Variants in RAB40B observed in about 807,000 individuals in gnomAD.
RAB40B encodes the protein ras-related protein Rab-40B.
A neutral mutation model predicts 24.0 loss-of-function variants in RAB40B; 21 were observed. The ratio of observed to expected loss-of-function variants is 0.88; its 90% CI spans 0.62 to 1.26. The LOEUF is 1.26. Ranked by LOEUF, RAB40B falls within the 50% of genes most tolerant of loss-of-function variation. The pLI, the probability that RAB40B is intolerant of heterozygous loss-of-function variation, is 0.00. For missense variants in RAB40B, 348 were observed against 390.5 expected (o/e 0.89, Z 0.92); for synonymous variants, 167 against 169.8 (o/e 0.98, Z 0.13).
intron 4 of RAB40B, chr17:82,659,353 G>A (rs780136299): frequency 2.5e-5 from 14 of 549,670 alleles, no homozygotes; most frequent in Non-Finnish European, 3.3e-5. Flanking sequence ...GTGGACGCTC[G>A]TTTCGTCTGG....
chr17:82,678,468 C>T (rs2143520637), intron 1 of RAB40B, among the ~76,000 whole-genome samples: 1 of 152,234 alleles, frequency 6.6e-6, no homozygotes, highest in East Asian at 1.9e-4. Context: ...CCATTCTCTA[C>T]ACTTGGAGCT....
chr17:82,695,276 C>T (rs959386381), intron 1 of RAB40B, among the ~76,000 whole-genome samples: 2 of 151,010 alleles, frequency 1.3e-5, no homozygotes, highest in East Asian at 3.8e-4. Context: ...ACTTCACCCT[C>T]CACCTCCTGG....
intron 1 of RAB40B, among the ~76,000 whole-genome samples, chr17:82,690,742 A>T (rs1413397606): frequency 6.7e-6 from 1 of 149,244 alleles, no homozygotes; most frequent in African/African-American, 2.5e-5. Flanking sequence ...GGGAACAGAG[A>T]GTGTGCACGT....
At chr17:82,683,181 A>C (rs1239258465) in intron 1 of RAB40B, among the ~76,000 whole-genome samples, 1 of 152,052 alleles carries the variant, frequency 6.6e-6, no homozygotes, top group Non-Finnish European at 1.5e-5. Flanking sequence ...AAAAACCCAA[A>C]ATGGACCATA....
At chr17:82,666,092 G>GCACCTGCCACCA (rs1301319057) in intron 1 of RAB40B, among the ~76,000 whole-genome samples, 44 of 149,768 alleles carry the variant, frequency 2.9e-4, no homozygotes, top group African/African-American at 1.1e-3. Flanking sequence ...ACCTGCCACC[G>GCACCTGCCACCA]CACCTGCCAC....
intron 3 of RAB40B, 137 bp downstream of exon 3, chr17:82,660,850 A>T: frequency 9.1e-7 from 1 of 1,103,572 alleles, no homozygotes; most frequent in Non-Finnish European, 1.3e-6. Context: ...GCACGTTTTT[A>T]GACTCTCAGC....
rs564479327 is a variant in RAB40B, at chr17:82,698,660, G to A, written c.-64C>T. 4 of 1,151,046 alleles carry A rather than the reference G, an allele frequency of 3.5e-6. No individual in the cohort carries two copies. Among genetic ancestry groups the A allele is most frequent in the South Asian group, 3.9e-5 (1 of 25,616 alleles). 71.3% of individuals were successfully genotyped at this position (1,151,046 alleles called of 1,614,324 possible). Reference sequence around the variant, plus strand: ...GGGCTGAGCGCAGAGGCGGCGGCCCGGCCCCGAGAGGCGCCGCGCGGGCCC... The same window carrying A: ...GGGCTGAGCGCAGAGGCGGCGGCCCAGCCCCGAGAGGCGCCGCGCGGGCCC... On this transcript the variant is annotated 5_prime_UTR_variant, in exon 1 of 6. Coordinates refer to ENST00000571995, the MANE Select transcript of RAB40B (RefSeq NM_006822.3).
chr17:82,666,400 A>T (rs1005834226), intron 1 of RAB40B, among the ~76,000 whole-genome samples: 1 of 151,980 alleles, frequency 6.6e-6, no homozygotes, highest in African/African-American at 2.4e-5. Context: ...ATACACCGCC[A>T]CGTCCAGCTA....
chr17:82,656,845 C>T lies in RAB40B; in HGVS notation c.*1018G>A, dbSNP rs1387728960. On this transcript the variant is annotated 3_prime_UTR_variant, in exon 6 of 6. Transcript: ENST00000571995. Reference sequence around the variant, plus strand: ...CCTGACCAACATGGTGAAACCCCATCTCTACTAAAAATACAAAAATTAGCC... The same window carrying T: ...CCTGACCAACATGGTGAAACCCCATTTCTACTAAAAATACAAAAATTAGCC... 1 of 152,230 alleles carries T rather than the reference C, an allele frequency of 6.6e-6. No individual in the cohort carries two copies. Among genetic ancestry groups the T allele is most frequent in the East Asian group, 1.9e-4 (1 of 5,188 alleles). 9.4% of individuals were successfully genotyped at this position (152,230 alleles called of 1,614,324 possible). A position where few individuals can be genotyped will look rare whatever the true frequency, so the allele number is the denominator to read the frequency against.
chr17:82,685,922 G>C (rs1225482517), intron 1 of RAB40B, among the ~76,000 whole-genome samples: 1 of 151,508 alleles, frequency 6.6e-6, no homozygotes, highest in East Asian at 1.9e-4. Context: ...TCCTACCTCA[G>C]CCTCCCAAGT....
chr17:82,672,148 ACACAGCT>A (rs2046345545), intron 1 of RAB40B, among the ~76,000 whole-genome samples: 1 of 151,828 alleles, frequency 6.6e-6, no homozygotes, highest in African/African-American at 2.4e-5. Context: ...GTACCCACTG[ACACAGCT>A]CACCCCTGTA....
chr17:82,658,383 A>C, intron 5 of RAB40B, 108 bp downstream of exon 5: 1 of 1,291,206 alleles, frequency 7.7e-7, no homozygotes, highest in South Asian at 1.3e-5. Flanking sequence ...GAACGGACAC[A>C]GTGGCCTTGA....
chr17:82,659,551 TC>T (rs769232492), intron 4 of RAB40B, 28 bp downstream of exon 4: 2 of 1,606,126 alleles, frequency 1.2e-6, no homozygotes, highest in South Asian at 2.2e-5. Context: ...CCTACAGGGA[TC>T]TTGGGCAGTG....
chr17:82,676,849 C>T (rs1014785724), intron 1 of RAB40B, among the ~76,000 whole-genome samples: 17 of 152,048 alleles, frequency 1.1e-4, no homozygotes, highest in African/African-American at 4.1e-4. Context: ...TGGTCTCGAA[C>T]TCCTGACCTC....
intron 1 of RAB40B, among the ~76,000 whole-genome samples, chr17:82,679,888 C>T (rs1315087014): frequency 1.3e-5 from 2 of 152,210 alleles, no homozygotes; most frequent in East Asian, 1.9e-4. Context: ...GAGCAGGCTG[C>T]GGGGTGAACG....
At chr17:82,678,815 C>T (rs912102851) in intron 1 of RAB40B, among the ~76,000 whole-genome samples, 1 of 151,708 alleles carries the variant, frequency 6.6e-6, no homozygotes, top group African/African-American at 2.4e-5. Flanking sequence ...TTTACACCTG[C>T]ACCGTAAAAT....
chr17:82,663,522 TG>T lies in RAB40B; in HGVS notation c.203+973del, dbSNP rs1360321283. ...GAGGTGTTCCAAGCTGGCCCCAAGG[TG>T]GGGGTGCTGGGGGAGGGAGAGGTGC... On this transcript the variant is annotated intron_variant, in intron 2 of 5. Coordinates refer to ENST00000571995, the MANE Select transcript of RAB40B (RefSeq NM_006822.3). This position sits in a 1 kb window ranked among gnomAD's most constrained non-coding sequence, Gnocchi z 6.2. Among the ~76,000 whole-genome samples the T allele has an allele frequency of 6.6e-6, 1 of 151,730 alleles. No individual in the cohort carries two copies. Among genetic ancestry groups the T allele is most frequent in the Non-Finnish European group, 1.5e-5 (1 of 67,882 alleles).
intron 1 of RAB40B, among the ~76,000 whole-genome samples, chr17:82,671,577 T>G: frequency 6.7e-6 from 1 of 150,146 alleles, no homozygotes; most frequent in East Asian, 2.0e-4. Flanking sequence ...CCCACCCCTG[T>G]AACTCTAACA....
At chr17:82,672,788 G>A (rs2046354669) in intron 1 of RAB40B, among the ~76,000 whole-genome samples, 1 of 152,220 alleles carries the variant, frequency 6.6e-6, no homozygotes, top group African/African-American at 2.4e-5. Context: ...CCAGTTTGTG[G>A]TATTCTGTTA....
Sources: gnomAD v4.1 joint callset for allele counts (sites outside exome capture counted in the v4.1 genomes callset) on GRCh38, gnomAD v4.1.1 for gene constraint, Gnocchi (gnomAD v3.1) non-coding constraint, MANE v1.5 for transcripts, NCBI Gene and HGNC (gene_info 2026-07-23, HGNC 2026-07-21) for gene names.